The following BRINP3 variants were observed in gnomAD, a reference collection of about 807,000 sequenced individuals.
BRINP3 encodes the protein BMP/retinoic acid-inducible neural-specific protein 3.
BRINP3 carries 19 observed loss-of-function variants against 71.0 expected under a neutral mutation model. That is an observed-to-expected ratio of 0.27 (90% confidence interval 0.19 to 0.39). The LOEUF (loss-of-function observed/expected upper bound fraction) is 0.39, where lower values mean the gene tolerates loss of function less well. BRINP3 is among the 10% of genes least tolerant of loss of function. The pLI, the probability that BRINP3 is intolerant of heterozygous loss-of-function variation, is 1.00. For synonymous variants in BRINP3, 380 were observed against 337.7 expected (o/e 1.13, Z -1.37); for missense variants, 959 against 940.8 (o/e 1.02, Z -0.25).
chr1:190,199,656 T>C (rs1318385750), intron 6 of BRINP3, among the ~76,000 whole-genome samples: 1 of 152,028 alleles, frequency 6.6e-6, no homozygotes, highest in Non-Finnish European at 1.5e-5. Flanking sequence ...AAAGCCATCT[T>C]TGTCACAAGT....
intron 6 of BRINP3, among the ~76,000 whole-genome samples, chr1:190,168,276 G>A (rs1208834642): frequency 1.3e-5 from 2 of 152,076 alleles, no homozygotes; most frequent in Admixed American, 6.6e-5. Context: ...GAGTCATCAT[G>A]AGAAGAAAGT....
At chr1:190,126,380 A>C (rs1055586126) in intron 7 of BRINP3, among the ~76,000 whole-genome samples, 8 of 151,890 alleles carry the variant, frequency 5.3e-5, no homozygotes, top group African/African-American at 1.9e-4. Context: ...TCCATTCCAC[A>C]TTCCCACTTG....
intron 2 of BRINP3, among the ~76,000 whole-genome samples, chr1:190,440,184 G>T (rs533510427): frequency 1.3e-5 from 2 of 151,824 alleles, no homozygotes; most frequent in East Asian, 3.9e-4. Flanking sequence ...ATCCAACAAT[G>T]GAAATTTCTT....
chr1:190,293,166 A>G (rs1200609787), intron 2 of BRINP3, among the ~76,000 whole-genome samples: 1 of 151,904 alleles, frequency 6.6e-6, no homozygotes, highest in Non-Finnish European at 1.5e-5. Flanking sequence ...TTATTGTGAT[A>G]TTCTTCTTAT....
intron 2 of BRINP3, among the ~76,000 whole-genome samples, chr1:190,344,501 A>G (rs1201678234): frequency 6.6e-6 from 1 of 151,826 alleles, no homozygotes; most frequent in Non-Finnish European, 1.5e-5. Flanking sequence ...GTCTATTACT[A>G]TTTTCAGTTC....
intron 6 of BRINP3, among the ~76,000 whole-genome samples, chr1:190,166,979 C>T (rs1218230783): frequency 6.6e-6 from 1 of 152,100 alleles, no homozygotes; most frequent in Non-Finnish European, 1.5e-5. Flanking sequence ...CCCGCCTCAG[C>T]CTCCCAAAGT....
intron 2 of BRINP3, among the ~76,000 whole-genome samples, chr1:190,360,299 T>G (rs544717830): frequency 7.9e-5 from 12 of 152,264 alleles, no homozygotes; most frequent in South Asian, 2.1e-4. Flanking sequence ...CCAGAATACT[T>G]TTGATATTGA....
intron 6 of BRINP3, among the ~76,000 whole-genome samples, chr1:190,171,861 C>T (rs922194205): frequency 6.6e-6 from 1 of 152,036 alleles, no homozygotes; most frequent in Admixed American, 6.6e-5. Context: ...AATCCCAACA[C>T]TTTGGGAGGC....
chr1:190,108,513 T>G (rs80293368), intron 7 of BRINP3, among the ~76,000 whole-genome samples: 5,128 of 151,300 alleles, frequency 0.034, 295 homozygotes, highest in African/African-American at 0.12. Context: ...AGGTATTATC[T>G]CTTAATTTTT....
chr1:190,112,353 T>C (rs1652768352), intron 7 of BRINP3, among the ~76,000 whole-genome samples: 1 of 152,208 alleles, frequency 6.6e-6, no homozygotes, highest in African/African-American at 2.4e-5. Context: ...TGCTATTTGC[T>C]TGATTTATGA....
At chr1:190,266,307 G>A (rs1661659238) in intron 3 of BRINP3, among the ~76,000 whole-genome samples, 1 of 152,062 alleles carries the variant, frequency 6.6e-6, no homozygotes, top group Non-Finnish European at 1.5e-5. Context: ...CATAGCCCAG[G>A]TGACAATCCA....
chr1:190,234,522 A>AGTGAACCAAAAGGAC, intron 4 of BRINP3, 45 bp from the exon 5 acceptor site: 1 of 1,454,388 alleles, frequency 6.9e-7, no homozygotes, highest in Non-Finnish European at 9.6e-7. Context: ...CAGACTTTAC[A>AGTGAACCAAAAGGAC]ATGTCCTTTT....
At chr1:190,211,253 AAG>A in intron 6 of BRINP3, among the ~76,000 whole-genome samples, 1 of 152,216 alleles carries the variant, frequency 6.6e-6, no homozygotes, top group South Asian at 2.1e-4. Context: ...GTGACAGAGC[AAG>A]ACTCCATCTC....
chr1:190,161,137 T>C (rs149006191), intron 6 of BRINP3, among the ~76,000 whole-genome samples: 42 of 152,212 alleles, frequency 2.8e-4, no homozygotes, highest in Middle Eastern at 3.5e-3. Context: ...CTAAAATAAT[T>C]TGTGCTAAAG....
intron 2 of BRINP3, among the ~76,000 whole-genome samples, chr1:190,429,193 T>C (rs1673924277): frequency 6.6e-6 from 1 of 152,180 alleles, no homozygotes; most frequent in Non-Finnish European, 1.5e-5. Flanking sequence ...ATGCATATAA[T>C]TTTTTGTCTT....
chr1:190,259,943 G>T (rs10920673), intron 4 of BRINP3, among the ~76,000 whole-genome samples: 57,991 of 151,108 alleles, frequency 0.38, 12,508 homozygotes, highest in Non-Finnish European at 0.49. Flanking sequence ...TAGGAGAACT[G>T]CTTGAGCCTG....
chr1:190,266,787 G>A (rs1661699729), intron 3 of BRINP3, among the ~76,000 whole-genome samples: 1 of 152,104 alleles, frequency 6.6e-6, no homozygotes, highest in African/African-American at 2.4e-5. Context: ...AACACCAGTG[G>A]TATGGTGGTC....
rs544405505 is a variant in BRINP3 at position 190,147,360 on chromosome 1, AT to A, written c.1184+13307del. Among the ~76,000 whole-genome samples, 27 of 152,252 alleles carry A rather than the reference AT, an allele frequency of 1.8e-4. No homozygotes were observed. The South Asian group carries it at 5.2e-3, about 29-fold the overall frequency. On this transcript the variant is annotated intron_variant, in intron 7 of 7. Transcript: ENST00000367462. Reference sequence around the variant, plus strand: ...ATAATTATACTATCCAATAAGAATAATTTATTTCAGGATAAAGTTTATATAC... The same window carrying A: ...ATAATTATACTATCCAATAAGAATAATTATTTCAGGATAAAGTTTATATAC...
At chr1:190,181,532 AG>A (rs1653029838) in intron 6 of BRINP3, among the ~76,000 whole-genome samples, 1 of 151,932 alleles carries the variant, frequency 6.6e-6, no homozygotes, top group Admixed American at 6.6e-5. Context: ...GTAGTATTTT[AG>A]AATGTATCCC....
Sources: gnomAD v4.1 joint callset for allele counts (sites outside exome capture counted in the v4.1 genomes callset) on GRCh38, gnomAD v4.1.1 for gene constraint, MANE v1.5 for transcripts, NCBI Gene and HGNC (gene_info 2026-07-23, HGNC 2026-07-21) for gene names.